P2RX3: variants seen among roughly 807,000 people sequenced by gnomAD.
P2RX3 encodes P2X purinoceptor 3.
Under a neutral mutation model 51.5 loss-of-function variants are expected in P2RX3, and 41 were observed. The ratio of observed to expected loss-of-function variants is 0.80; its 90% CI spans 0.62 to 1.03. P2RX3 has a LOEUF of 1.03. P2RX3 is among the 50% of genes least tolerant of loss of function. P2RX3 has a pLI of 0.00. For missense variants in P2RX3, 459 were observed against 522.1 expected, an observed-to-expected ratio of 0.88 and a Z score of 1.18; for synonymous variants, 185 against 191.6, an observed-to-expected ratio of 0.97 and a Z score of 0.29.
At chr11:57,337,333 G>GAAAA (rs1565058181), upstream of P2RX3, among the ~76,000 whole-genome samples, 1 of 82,158 alleles carries the variant, frequency 1.2e-5, no homozygotes, top group South Asian at 4.3e-4. Context: ...AAAAAAAAAG[G>GAAAA]AAGGGAAGGA....
chr11:57,356,022 C>A (rs1856625061), intron 8 of P2RX3, among the ~76,000 whole-genome samples: 1 of 152,050 alleles, frequency 6.6e-6, no homozygotes, highest in African/African-American at 2.4e-5. Flanking sequence ...ATTAAAAATT[C>A]TAAAAAATAA....
chr11:57,346,274 T>C (rs1856429716), intron 1 of P2RX3, among the ~76,000 whole-genome samples: 2 of 152,318 alleles, frequency 1.3e-5, no homozygotes, highest in African/African-American at 4.8e-5. Context: ...TAAACAGATA[T>C]CTGTGATATC....
chr11:57,350,318 G>GTT (rs1856521924), intron 7 of P2RX3: 1 of 19,786 alleles, frequency 5.1e-5, no homozygotes. Context: ...TTTTTTTTTT[G>GTT]AGACAGAGTC....
At chr11:57,341,735 T>C (rs1430739887) in intron 1 of P2RX3, among the ~76,000 whole-genome samples, 1 of 152,148 alleles carries the variant, frequency 6.6e-6, no homozygotes, top group Non-Finnish European at 1.5e-5. Flanking sequence ...TGGAGGAAGC[T>C]GCCTCCTTGC....
intron 11 of P2RX3, 72 bp downstream of exon 11, chr11:57,369,510 T>C (rs906130039): frequency 4.2e-6 from 6 of 1,431,410 alleles, no homozygotes; most frequent in Non-Finnish European, 5.7e-6. Context: ...GGACTCTCAG[T>C]GGCTCCCCTT....
chr11:57,353,204 T>A (rs1020419015), intron 8 of P2RX3, among the ~76,000 whole-genome samples: 3 of 152,260 alleles, frequency 2.0e-5, no homozygotes, highest in African/African-American at 7.2e-5. Flanking sequence ...GTGCACTTTC[T>A]ATGATATGGT....
chr11:57,357,976 G>T (rs1856656179), intron 8 of P2RX3, among the ~76,000 whole-genome samples: 1 of 152,186 alleles, frequency 6.6e-6, no homozygotes, highest in South Asian at 2.1e-4. Context: ...CGGCAAGTTT[G>T]TTGCTGTTTT....
At chr11:57,362,746 C>A (rs1456898595) in intron 8 of P2RX3, among the ~76,000 whole-genome samples, 3 of 152,190 alleles carry the variant, frequency 2.0e-5, no homozygotes, top group Admixed American at 1.3e-4. Context: ...CCTCTCTGAT[C>A]TTGATTCCTC....
intron 1 of P2RX3, among the ~76,000 whole-genome samples, chr11:57,345,205 T>C (rs767883195): frequency 9.9e-5 from 15 of 152,194 alleles, no homozygotes; most frequent in Non-Finnish European, 1.8e-4. Flanking sequence ...GGCTACACAG[T>C]CTCAAATTCC....
intron 8 of P2RX3, among the ~76,000 whole-genome samples, chr11:57,359,105 A>G (rs1232437482): frequency 6.6e-6 from 1 of 152,204 alleles, no homozygotes; most frequent in Non-Finnish European, 1.5e-5. Context: ...CAAAGTGGGA[A>G]GCCGTCACCA....
intron 8 of P2RX3, among the ~76,000 whole-genome samples, chr11:57,354,753 G>C (rs1338665190): frequency 1.3e-5 from 2 of 152,094 alleles, no homozygotes; most frequent in African/African-American, 4.8e-5. Flanking sequence ...GTGTGCGTGA[G>C]TGTATAGGCA....
intron 10 of P2RX3, 27 bp downstream of exon 10, chr11:57,368,464 C>A (rs763418607): frequency 3.7e-6 from 6 of 1,613,068 alleles, no homozygotes; most frequent in Non-Finnish European, 5.1e-6. Flanking sequence ...CACGCTCTGA[C>A]GGGCCAGTCA....
At chr11:57,350,456 G>A in intron 7 of P2RX3, 1 of 272,286 alleles carries the variant, frequency 3.7e-6, no homozygotes, top group Non-Finnish European at 7.1e-6. Flanking sequence ...CTAATTTTTG[G>A]TATTTTTAGT....
chr11:57,361,716 T>C (rs1378996407), intron 8 of P2RX3, among the ~76,000 whole-genome samples: 2 of 152,210 alleles, frequency 1.3e-5, no homozygotes, highest in Non-Finnish European at 2.9e-5. Flanking sequence ...GTTGATTCCA[T>C]GTGTTTGCTA....
upstream of P2RX3, among the ~76,000 whole-genome samples, chr11:57,337,289 CAAAAAAA>C (rs36169095): frequency 7.1e-4 from 19 of 26,770 alleles, no homozygotes; most frequent in Admixed American, 1.3e-3. Context: ...GAGACTCTGT[CAAAAAAA>C]AAAAAAAAAA....
chr11:57,355,334 CTTTTTTTTT>C (rs1201675322), intron 8 of P2RX3, among the ~76,000 whole-genome samples: 1 of 117,344 alleles, frequency 8.5e-6, no homozygotes, highest in Admixed American at 8.9e-5. Flanking sequence ...TATTTTATTT[CTTTTTTTTT>C]TTTTTTTTTT....
intron 7 of P2RX3, chr11:57,350,495 G>T: frequency 2.7e-6 from 1 of 377,070 alleles, no homozygotes; most frequent in East Asian, 5.3e-5. Flanking sequence ...TGTTAGCCAG[G>T]ATGGTCTCGA....
At chr11:57,342,125 G>A (rs1247593808) in intron 1 of P2RX3, among the ~76,000 whole-genome samples, 1 of 151,178 alleles carries the variant, frequency 6.6e-6, no homozygotes, top group African/African-American at 2.4e-5. Context: ...GTTATGGTGG[G>A]AAGAACTGTT....
At chr11:57,342,583 G>A (rs1173950667) in intron 1 of P2RX3, among the ~76,000 whole-genome samples, 1 of 152,026 alleles carries the variant, frequency 6.6e-6, no homozygotes, top group Non-Finnish European at 1.5e-5. Flanking sequence ...CACCAACTAG[G>A]AGAGGGCCTC....
Sources: allele counts gnomAD v4.1 joint callset (sites outside exome capture counted in the v4.1 genomes callset), GRCh38; gene constraint gnomAD v4.1.1; transcripts MANE v1.5; gene names NCBI Gene and HGNC (gene_info 2026-07-23, HGNC 2026-07-21).